The following TEX101 variants were observed in gnomAD, a reference collection of about 807,000 sequenced individuals.
TEX101 encodes testis expressed 101.
In TEX101, 10 loss-of-function variants were observed where a neutral mutation model predicts 18.1. The observed-to-expected ratio is 0.55, with a 90% CI of 0.34 to 0.94. The LOEUF (loss-of-function observed/expected upper bound fraction) is 0.94. TEX101 is among the 40% of genes least tolerant of loss of function. TEX101 has a pLI of 0.02. For missense variants in TEX101, 259 were observed against 298.9 expected (o/e 0.87, Z 0.98); for synonymous variants, 94 against 114.8 (o/e 0.82, Z 1.16).
At chr19:43,389,420 A>G in the TEX101 span, among the ~76,000 whole-genome samples, 5 of 151,932 alleles carry the variant, frequency 3.3e-5, no homozygotes, top group Non-Finnish European at 7.4e-5. Context: ...GGGATCGGGG[A>G]CAGAAGCTTC....
chr19:43,411,313 G>T (rs1249701151), upstream of TEX101, among the ~76,000 whole-genome samples: 1 of 151,842 alleles, frequency 6.6e-6, no homozygotes, highest in African/African-American at 2.4e-5. Flanking sequence ...CTGATCTCAG[G>T]TGATCCACCA....
At chr19:43,404,886 T>C (rs1472815469) in intron 2 of TEX101, among the ~76,000 whole-genome samples, 12 of 151,870 alleles carry the variant, frequency 7.9e-5, no homozygotes, top group African/African-American at 2.4e-4. Context: ...AAAATAAAAA[T>C]AGAGACACTT....
chr19:43,406,162 A>G, intron 2 of TEX101: 1 of 256,440 alleles, frequency 3.9e-6, no homozygotes, highest in Non-Finnish European at 7.3e-6. Context: ...GGGACTGTTG[A>G]ATTAAAACAA....
At chr19:43,404,544 G>A (rs1451170066) in intron 2 of TEX101, among the ~76,000 whole-genome samples, 1 of 152,020 alleles carries the variant, frequency 6.6e-6, no homozygotes, top group Non-Finnish European at 1.5e-5. Context: ...AGAAAAGGTG[G>A]AAGAATTGTA....
intron 3 of TEX101, among the ~76,000 whole-genome samples, chr19:43,409,774 G>GA (rs201753785): frequency 1.1e-3 from 163 of 151,874 alleles, no homozygotes; most frequent in Non-Finnish European, 1.9e-3. Context: ...CATCTCTGTG[G>GA]AAAAAAAAGA....
At chr19:43,392,062 A>C in the TEX101 span, among the ~76,000 whole-genome samples, 2 of 152,198 alleles carry the variant, frequency 1.3e-5, no homozygotes, top group African/African-American at 4.8e-5. Context: ...AGAGACTGAG[A>C]AACACACAGA....
chr19:43,416,082 T>G lies in TEX101; in HGVS notation c.65-17T>G. On this transcript the variant is annotated splice_polypyrimidine_tract_variant and intron_variant, in intron 2 of 5. Coordinates refer to ENST00000598265, the MANE Select transcript of TEX101 (RefSeq NM_001130011.3). Reference sequence around the variant, plus strand: ...GCCCATGGAGAAGTGCTTATCCTTTTCTTGTTTTCTCCTCAGCGGGCCTAG... The same window carrying G: ...GCCCATGGAGAAGTGCTTATCCTTTGCTTGTTTTCTCCTCAGCGGGCCTAG... 6.2e-7 allele frequency: 1 copy of G among 1,606,302 alleles called. No individual in the cohort carries two copies. The highest frequency in any genetic ancestry group is 8.5e-7 in the Non-Finnish European group (1 of 1,176,478).
chr19:43,400,035 G>A (rs1381339830), upstream of TEX101, among the ~76,000 whole-genome samples: 1 of 151,940 alleles, frequency 6.6e-6, no homozygotes, highest in Non-Finnish European at 1.5e-5. Context: ...GGCTGGTCTC[G>A]AACTCCTGAC....
At chr19:43,390,236 A>T in the TEX101 span, among the ~76,000 whole-genome samples, 1 of 152,104 alleles carries the variant, frequency 6.6e-6, no homozygotes, top group Non-Finnish European at 1.5e-5. Context: ...GTATGTGTGC[A>T]GGCATGAAGA....
At chr19:43,395,059 G>A in the TEX101 span, among the ~76,000 whole-genome samples, 1 of 152,188 alleles carries the variant, frequency 6.6e-6, no homozygotes, top group Non-Finnish European at 1.5e-5. Flanking sequence ...TGTGGGGCTT[G>A]TATACCATTT....
At chr19:43,413,263 T>C (rs1176941542), upstream of TEX101, among the ~76,000 whole-genome samples, 1 of 151,790 alleles carries the variant, frequency 6.6e-6, no homozygotes, top group Non-Finnish European at 1.5e-5. Flanking sequence ...ATCCCAGCAC[T>C]TTGGGGGGCG....
At chr19:43,404,621 T>A (rs1970345596) in intron 2 of TEX101, among the ~76,000 whole-genome samples, 1 of 152,104 alleles carries the variant, frequency 6.6e-6, no homozygotes, top group Admixed American at 6.5e-5. Flanking sequence ...TTTGCTTGAT[T>A]GATTTTTTAA....
At chr19:43,400,111 G>A (rs755630837), upstream of TEX101, among the ~76,000 whole-genome samples, 15 of 152,128 alleles carry the variant, frequency 9.9e-5, no homozygotes, top group African/African-American at 1.9e-4. Flanking sequence ...CACCAAGCCC[G>A]GCCTCCTATG....
chr19:43,416,444 C>A lies in TEX101; in HGVS notation c.280C>A (p.His94Asn). ...EGEEAITIVQ[H>N]SSPPGLIVTS... ...GGAGGAGGCCATAACAATTGTCCAG[C>A]ACTCTTCACCTCCCGGCCTGATCGT... Residue 94 changes from histidine to asparagine, a missense_variant, in exon 4 of 6, where the codon CAC becomes AAC. Physicochemically the swap from His to Asn is moderately conservative, Grantham distance 68 (BLOSUM62 1). Coordinates refer to ENST00000598265, the MANE Select transcript of TEX101 (RefSeq NM_001130011.3). 1 of 1,614,194 alleles carries A rather than the reference C, an allele frequency of 6.2e-7. No individual in the cohort carries two copies. The highest frequency in any genetic ancestry group is 8.5e-7 in the Non-Finnish European group (1 of 1,180,032).
upstream of TEX101, among the ~76,000 whole-genome samples, chr19:43,410,864 A>G (rs983573469): frequency 2.0e-5 from 3 of 151,028 alleles, no homozygotes; most frequent in Admixed American, 6.6e-5. Context: ...TATAAAGTAC[A>G]AAAAAAAAAT....
At chr19:43,409,090 G>A (rs1485909239) in intron 3 of TEX101, among the ~76,000 whole-genome samples, 1 of 152,226 alleles carries the variant, frequency 6.6e-6, no homozygotes, top group Non-Finnish European at 1.5e-5. Flanking sequence ...AGTAATGAAT[G>A]ATGCATTAAT....
At chr19:43,411,597 T>C (rs967567172), upstream of TEX101, among the ~76,000 whole-genome samples, 2 of 152,248 alleles carry the variant, frequency 1.3e-5, no homozygotes, top group South Asian at 4.1e-4. Context: ...TCATAAACTA[T>C]TTGCCAACCA....
upstream of TEX101, among the ~76,000 whole-genome samples, chr19:43,397,843 A>T (rs368415760): frequency 1.9e-5 from 2 of 103,876 alleles, no homozygotes; most frequent in Non-Finnish European, 3.7e-5. Context: ...ATTTTATATA[A>T]ATATATAATA....
At chr19:43,408,247 C>A (rs1160791324) in intron 3 of TEX101, among the ~76,000 whole-genome samples, 1 of 152,212 alleles carries the variant, frequency 6.6e-6, no homozygotes, top group Non-Finnish European at 1.5e-5. Context: ...GGGCCGCCCC[C>A]GCAGCGTCCT....
Sources: gnomAD v4.1 joint callset for allele counts (sites outside exome capture counted in the v4.1 genomes callset) on GRCh38, gnomAD v4.1.1 for gene constraint, MANE v1.5 for transcripts, NCBI Gene and HGNC (gene_info 2026-07-23, HGNC 2026-07-21) for gene names.